ARFGEF2: variants seen among roughly 807,000 people sequenced by gnomAD.
ARFGEF2 encodes ARF guanine nucleotide exchange factor 2.
A neutral mutation model predicts 219.9 loss-of-function variants in ARFGEF2; 74 were observed. The observed-to-expected ratio is 0.34, with a 90% CI of 0.28 to 0.41. ARFGEF2 has a LOEUF of 0.41. Among genes scored for constraint, ARFGEF2 ranks in the 10% least tolerant of loss-of-function variants. ARFGEF2 has a pLI of 1.00. For missense variants in ARFGEF2, 1,743 were observed against 2,218.3 expected (o/e 0.79, Z 4.30); for synonymous variants, 733 against 799.2 (o/e 0.92, Z 1.40).
In ARFGEF2 at chr20:48,971,276, T is replaced by C; in HGVS notation, c.1347T>C (p.Pro449=). The C allele has an allele frequency of 6.2e-7, 1 of 1,614,228 alleles. No individual in the cohort carries two copies. The highest frequency in any genetic ancestry group is 1.6e-4 in the Middle Eastern group (1 of 6,062). ...ALSKNGVSSV[P]DVFELSLAIF... ...CCAAAAACGGCGTCTCTTCAGTGCC[T>C]GATGTCTTTGAGCTCTCTCTTGCCA... Residue 449 remains proline, a synonymous_variant, in exon 10 of 39, where the codon CCT becomes CCC. Transcript: ENST00000371917.
At chr20:48,938,327 G>A (rs183176323) in intron 1 of ARFGEF2, among the ~76,000 whole-genome samples, 72 of 152,340 alleles carry the variant, frequency 4.7e-4, no homozygotes, top group African/African-American at 1.7e-3. Flanking sequence ...AGCCACTGAA[G>A]CACTTTCTCC....
At position 48,922,991 on chromosome 20, in the gene ARFGEF2, A is replaced by G. The variant is rs1184791539; in HGVS notation, c.121+981A>G. 2.0e-5 allele frequency among the ~76,000 whole-genome samples: 3 copies of G among 152,262 alleles called. No homozygotes were observed. The East Asian group carries it at 5.8e-4, about 29-fold the overall frequency. On this transcript the variant is annotated intron_variant, in intron 1 of 38. Transcript: ENST00000371917. ...TGAAAATAAAACAGCAAGATGTGAT[A>G]AAGAGGGCTTGAGGACTGCTTTCCA...
chr20:48,989,495 C>T (rs187122797), intron 19 of ARFGEF2, 59 bp downstream of exon 19: 10 of 1,614,054 alleles, frequency 6.2e-6, no homozygotes, highest in African/African-American at 4.0e-5. Flanking sequence ...AGCTGGCCAG[C>T]GAGAAGTACT....
chr20:48,966,877 C>T (rs2091191107), intron 8 of ARFGEF2, among the ~76,000 whole-genome samples: 1 of 152,174 alleles, frequency 6.6e-6, no homozygotes, highest in Non-Finnish European at 1.5e-5. Flanking sequence ...GAGACACAGT[C>T]TCACTCTCAC....
intron 30 of ARFGEF2, among the ~76,000 whole-genome samples, chr20:49,015,223 C>T (rs556752966): frequency 6.6e-6 from 1 of 152,224 alleles, no homozygotes; most frequent in African/African-American, 2.4e-5. Context: ...AAGCAATTCT[C>T]CTGCCTCAGC....
chr20:48,985,401 G>A lies in ARFGEF2; in HGVS notation c.2071-7G>A. The A allele has an allele frequency of 6.2e-7, 1 of 1,614,116 alleles. No individual in the cohort carries two copies. Among genetic ancestry groups the A allele is most frequent in the South Asian group, 1.1e-5 (1 of 91,080 alleles). ...TTTCTGGATATAAGTGAGTGTGTATGTTTCAGACCCAAGTAGGCGATTTTC... is the reference window on the plus strand; with the variant it reads ...TTTCTGGATATAAGTGAGTGTGTATATTTCAGACCCAAGTAGGCGATTTTC... On this transcript the variant is annotated splice_polypyrimidine_tract_variant and splice_region_variant and intron_variant, in intron 15 of 38. Transcript: ENST00000371917.
At chr20:48,950,037 G>C (rs569582739) in intron 3 of ARFGEF2, among the ~76,000 whole-genome samples, 1 of 152,294 alleles carries the variant, frequency 6.6e-6, no homozygotes, top group East Asian at 1.9e-4. Context: ...TGTGTTTTTA[G>C]TGAGCTCCCT....
At chr20:49,009,704 T>G (rs1421044783) in intron 26 of ARFGEF2, among the ~76,000 whole-genome samples, 3 of 152,238 alleles carry the variant, frequency 2.0e-5, no homozygotes, top group Non-Finnish European at 4.4e-5. Context: ...TTAAACTATA[T>G]ATGTATACTC....
At chr20:49,006,882 T>TG (rs1491566028) in intron 26 of ARFGEF2, among the ~76,000 whole-genome samples, 3 of 148,422 alleles carry the variant, frequency 2.0e-5, no homozygotes, top group African/African-American at 7.4e-5. Flanking sequence ...TGGAGGTTTT[T>TG]GTTTTTTTTT....
intron 8 of ARFGEF2, among the ~76,000 whole-genome samples, chr20:48,968,922 A>G (rs2091207857): frequency 6.6e-6 from 1 of 152,088 alleles, no homozygotes; most frequent in Non-Finnish European, 1.5e-5. Context: ...AGATAATTAC[A>G]TTTCTAATTT....
At chr20:48,964,224 T>C (rs1337460480) in intron 7 of ARFGEF2, among the ~76,000 whole-genome samples, 1 of 152,140 alleles carries the variant, frequency 6.6e-6, no homozygotes, top group Non-Finnish European at 1.5e-5. Context: ...CCAGCCAATA[T>C]GGTGAAACCC....
intron 21 of ARFGEF2, 47 bp downstream of exon 21, chr20:48,991,245 G>T: frequency 3.7e-6 from 6 of 1,608,500 alleles, no homozygotes; most frequent in Non-Finnish European, 5.1e-6. Flanking sequence ...ATGACTCCTG[G>T]CTTCCTTTTA....
At position 48,953,620 on chromosome 20, in the gene ARFGEF2, C is replaced by T; in HGVS notation, c.668C>T (p.Ala223Val). The change falls in exon 6 of 39, where the codon GCT becomes GTT. Residue 223 changes from alanine to valine, a missense_variant. Physicochemically the swap from Ala to Val is moderately conservative, Grantham distance 64 (BLOSUM62 0). Transcript: ENST00000371917. ...AAACCCCAGTCCCCTGTGATCCAAG[C>T]TGCAGCAGTATCCCCAAAGTTCGTT... ...QSKPQSPVIQ[A>V]AAVSPKFVRL... 1 of 1,614,164 alleles carries T rather than the reference C, an allele frequency of 6.2e-7. No homozygotes were observed. The highest frequency in any genetic ancestry group is 1.3e-5 in the African/African-American group (1 of 75,010).
At chr20:48,922,129 C>A (rs1262138210) in intron 1 of ARFGEF2, 119 bp downstream of exon 1, 2 of 1,433,526 alleles carry the variant, frequency 1.4e-6, no homozygotes, top group Non-Finnish European at 1.9e-6. Flanking sequence ...CGAATTCCAC[C>A]CTTCCGGCCT....
intron 14 of ARFGEF2, among the ~76,000 whole-genome samples, chr20:48,980,975 A>G (rs957196868): frequency 2.0e-5 from 3 of 152,140 alleles, no homozygotes; most frequent in Non-Finnish European, 4.4e-5. Context: ...ATTTATCCCC[A>G]TTACATTTCA....
chr20:48,938,967 G>GT (rs199950635), intron 1 of ARFGEF2, among the ~76,000 whole-genome samples: 1,774 of 142,890 alleles, frequency 0.012, 33 homozygotes, highest in South Asian at 0.022. Context: ...TGTTTTATGG[G>GT]TTTTTTTTGT....
chr20:48,921,712 C>T lies in ARFGEF2; in HGVS notation c.-178C>T, dbSNP rs1025133183. 3.3e-5 allele frequency among the ~76,000 whole-genome samples: 5 copies of T among 152,082 alleles called. No individual in the cohort carries two copies. The highest frequency in any genetic ancestry group is 5.9e-5 in the Non-Finnish European group (4 of 67,964). ...GCGGCCGTAGCGGCCTCGCCAGTCA[C>T]GTGGTCACGTGACGCGCTCCAACAT... On this transcript the variant is annotated 5_prime_UTR_variant, in exon 1 of 39. In the 5' UTR this introduces an upstream ATG that the reference lacks. Coordinates refer to ENST00000371917, the MANE Select transcript of ARFGEF2 (RefSeq NM_006420.3).
At chr20:49,009,715 C>T (rs1173117341) in intron 26 of ARFGEF2, among the ~76,000 whole-genome samples, 6 of 152,062 alleles carry the variant, frequency 3.9e-5, no homozygotes, top group Admixed American at 3.9e-4. Flanking sequence ...ATGTATACTC[C>T]AATCCACATA....
At chr20:49,010,522 T>A in intron 27 of ARFGEF2, 118 bp downstream of exon 27, 1 of 1,183,236 alleles carries the variant, frequency 8.5e-7, no homozygotes, top group Non-Finnish European at 1.2e-6. Flanking sequence ...TGTGATATAG[T>A]AATGTGCCAG....
Sources: gnomAD v4.1 joint callset for allele counts (sites outside exome capture counted in the v4.1 genomes callset) on GRCh38, gnomAD v4.1.1 for gene constraint, MANE v1.5 for transcripts, NCBI Gene and HGNC (gene_info 2026-07-23, HGNC 2026-07-21) for gene names.